The following PFDN1 variants were observed in gnomAD, a reference collection of about 807,000 sequenced individuals.
PFDN1 encodes the protein prefoldin subunit 1.
A neutral mutation model predicts 17.3 loss-of-function variants in PFDN1; 6 were observed. The ratio of observed to expected loss-of-function variants is 0.35; its 90% CI spans 0.19 to 0.69. The LOEUF (loss-of-function observed/expected upper bound fraction) is 0.69. Among genes scored for constraint, PFDN1 ranks in the 30% least tolerant of loss-of-function variants. The probability of loss-of-function intolerance (pLI) is 0.65; values close to 1 mark genes in which losing one functional copy is unlikely to be tolerated. For missense variants in PFDN1, 113 were observed against 146.2 expected, an observed-to-expected ratio of 0.77 and a Z score of 1.17; for synonymous variants, 58 against 50.1, an observed-to-expected ratio of 1.16 and a Z score of -0.67.
chr5:140,247,512 T>C (rs1397298215), intron 3 of PFDN1, among the ~76,000 whole-genome samples: 1 of 152,208 alleles, frequency 6.6e-6, no homozygotes, highest in Non-Finnish European at 1.5e-5. Flanking sequence ...CTTTATCAGT[T>C]CTTCCGTGAA....
At chr5:140,262,909 A>G (rs1765084122) in intron 3 of PFDN1, among the ~76,000 whole-genome samples, 1 of 152,260 alleles carries the variant, frequency 6.6e-6, no homozygotes, top group Non-Finnish European at 1.5e-5. Context: ...TTAAAAAAAA[A>G]ACACCTTTTA....
intron 2 of PFDN1, among the ~76,000 whole-genome samples, chr5:140,294,307 A>G (rs1765621669): frequency 6.6e-6 from 1 of 152,016 alleles, no homozygotes; most frequent in African/African-American, 2.4e-5. Flanking sequence ...TATCAATAAT[A>G]TTTACTATAC....
At chr5:140,252,410 C>T (rs977175150) in intron 3 of PFDN1, among the ~76,000 whole-genome samples, 7 of 152,150 alleles carry the variant, frequency 4.6e-5, no homozygotes, top group Non-Finnish European at 7.4e-5. Context: ...CTGGGAGTCA[C>T]GGTTTCTGAC....
At chr5:140,298,875 C>A (rs1039575354) in intron 2 of PFDN1, among the ~76,000 whole-genome samples, 1 of 151,916 alleles carries the variant, frequency 6.6e-6, no homozygotes, top group Non-Finnish European at 1.5e-5. Context: ...CTGCCTCAGT[C>A]TCGTAACTGG....
chr5:140,283,603 GA>G (rs1372533073), intron 2 of PFDN1, among the ~76,000 whole-genome samples: 1 of 152,172 alleles, frequency 6.6e-6, no homozygotes, highest in African/African-American at 2.4e-5. Flanking sequence ...ATATTTACAG[GA>G]AAGAGAGCCC....
rs536253471 is a variant in PFDN1, at chr5:140,269,070, TG to T, written c.285+12378del. Among the ~76,000 whole-genome samples the T allele has an allele frequency of 2.0e-3, 303 of 152,270 alleles. 2 individuals are homozygous for T. The highest frequency in any genetic ancestry group is 7.1e-3 in the African/African-American group (297 of 41,552). ...CTCTGTCACCCAGGCTGGAGTACAG[TG>T]GTGCTATCAAGGCTCACTGCAGCCT... On this transcript the variant is annotated intron_variant, in intron 3 of 3. Coordinates refer to ENST00000261813, the MANE Select transcript of PFDN1 (RefSeq NM_002622.5).
intron 2 of PFDN1, among the ~76,000 whole-genome samples, chr5:140,299,412 C>A: frequency 6.6e-6 from 1 of 151,796 alleles, no homozygotes; most frequent in East Asian, 2.0e-4. Flanking sequence ...CCATCCTGGC[C>A]AACACGGTAA....
chr5:140,250,082 G>A lies in PFDN1; in HGVS notation c.286-4025C>T, dbSNP rs531445173. 3.3e-5 allele frequency among the ~76,000 whole-genome samples: 5 copies of A among 152,256 alleles called. No homozygotes were observed. The South Asian group carries it at 8.3e-4, about 25-fold the overall frequency. ...CCCATTTAAAGGGCTCTGCCCTCAT[G>A]ACCTACTCATCTCCCAAATGGCCAC... is the stretch of plus-strand genomic sequence containing the variant. On this transcript the variant is annotated intron_variant, in intron 3 of 3. Transcript: ENST00000261813.
At chr5:140,291,508 G>C (rs1211971326) in intron 2 of PFDN1, among the ~76,000 whole-genome samples, 7 of 152,074 alleles carry the variant, frequency 4.6e-5, no homozygotes, top group Non-Finnish European at 1.0e-4. Flanking sequence ...ATGCCTATTA[G>C]ACCATCACAT....
chr5:140,285,410 G>C (rs1765472028), intron 2 of PFDN1, among the ~76,000 whole-genome samples: 1 of 151,648 alleles, frequency 6.6e-6, no homozygotes, highest in Admixed American at 6.6e-5. Context: ...GGTGAGGAAA[G>C]TTACTGAATT....
At chr5:140,249,492 G>A (rs1023648847) in intron 3 of PFDN1, among the ~76,000 whole-genome samples, 2 of 152,212 alleles carry the variant, frequency 1.3e-5, no homozygotes, top group Admixed American at 6.5e-5. Flanking sequence ...GGTCAGAGGC[G>A]TGGCAGGATT....
chr5:140,279,995 C>CAAAAAAAA (rs772575762), intron 3 of PFDN1, among the ~76,000 whole-genome samples: 9 of 31,204 alleles, frequency 2.9e-4, no homozygotes, highest in Admixed American at 3.7e-4. Context: ...AACTCCGTCT[C>CAAAAAAAA]AAAAAAAAAA....
rs1764825466 is a variant in PFDN1 at position 140,246,070 on chromosome 5, A to G, written c.286-13T>C. On this transcript the variant is annotated splice_polypyrimidine_tract_variant and intron_variant, in intron 3 of 3. Coordinates refer to ENST00000261813, the MANE Select transcript of PFDN1 (RefSeq NM_002622.5). ...AGGACTTTTTCTGCTGCAATATGAG[A>G]GACAGACAAAGGTTAGGACCAGAGT... The G allele has an allele frequency of 1.3e-6, 2 of 1,501,942 alleles. No individual in the cohort carries two copies. Among genetic ancestry groups the G allele is most frequent in the South Asian group, 1.2e-5 (1 of 83,084 alleles). 93.0% of individuals were successfully genotyped at this position (1,501,942 alleles called of 1,614,324 possible). A position where few individuals can be genotyped will look rare whatever the true frequency, so the allele number is the denominator to read the frequency against.
intron 3 of PFDN1, among the ~76,000 whole-genome samples, chr5:140,272,137 A>G (rs1401788814): frequency 6.6e-6 from 1 of 151,248 alleles, no homozygotes; most frequent in Non-Finnish European, 1.5e-5. Context: ...CTCCTGCCCC[A>G]GCCTCCCGAG....
intron 1 of PFDN1, among the ~76,000 whole-genome samples, chr5:140,301,051 A>G (rs1056757083): frequency 1.3e-5 from 2 of 152,246 alleles, no homozygotes; most frequent in Non-Finnish European, 2.9e-5. Context: ...GCCTCTCAGT[A>G]ATTCCATGAG....
At chr5:140,258,471 C>T (rs1395931461) in intron 3 of PFDN1, among the ~76,000 whole-genome samples, 1 of 149,058 alleles carries the variant, frequency 6.7e-6, no homozygotes, top group Non-Finnish European at 1.5e-5. Context: ...GCCTGGGAAG[C>T]ACTGGATTAG....
At position 140,245,877 on chromosome 5, in the gene PFDN1, T is replaced by C; in HGVS notation, c.*97A>G. Reference sequence around the variant, plus strand: ...GTTGCCAGGCCATCCAAATAAAGCATCCATCGGGGCAGAGGAGAAGCTGTT... The same window carrying C: ...GTTGCCAGGCCATCCAAATAAAGCACCCATCGGGGCAGAGGAGAAGCTGTT... On this transcript the variant is annotated 3_prime_UTR_variant, in exon 4 of 4. Transcript: ENST00000261813. 2.8e-6 allele frequency: 2 copies of C among 715,838 alleles called. No individual in the cohort carries two copies. Among genetic ancestry groups the C allele is most frequent in the South Asian group, 3.0e-5 (2 of 66,470 alleles). 44.3% of individuals were successfully genotyped at this position (715,838 alleles called of 1,614,324 possible). A position where few individuals can be genotyped will look rare whatever the true frequency, so the allele number is the denominator to read the frequency against.
chr5:140,275,079 G>A (rs13359519), intron 3 of PFDN1, among the ~76,000 whole-genome samples: 73,809 of 151,062 alleles, frequency 0.49, 18,218 homozygotes, highest in South Asian at 0.71. Flanking sequence ...AAGTTCTAAG[G>A]AAAAAAAAGA....
At chr5:140,266,115 G>A (rs912492360) in intron 3 of PFDN1, among the ~76,000 whole-genome samples, 3 of 152,182 alleles carry the variant, frequency 2.0e-5, no homozygotes, top group African/African-American at 7.2e-5. Flanking sequence ...TGTGGAGAAT[G>A]AGTGACATAT....
Sources: gnomAD v4.1 joint callset for allele counts (sites outside exome capture counted in the v4.1 genomes callset) on GRCh38, gnomAD v4.1.1 for gene constraint, MANE v1.5 for transcripts, NCBI Gene and HGNC (gene_info 2026-07-23, HGNC 2026-07-21) for gene names.